PTK2: variants seen among roughly 807,000 people sequenced by gnomAD.
PTK2 encodes the protein focal adhesion kinase 1.
In PTK2, 45 loss-of-function variants were observed where a neutral mutation model predicts 150.1. The ratio of observed to expected loss-of-function variants is 0.30; its 90% confidence interval spans 0.24 to 0.38. The LOEUF is 0.38. PTK2 is among the 10% of genes least tolerant of loss of function. The pLI is 1.00. For synonymous variants in PTK2, 432 were observed against 449.2 expected, an observed-to-expected ratio of 0.96 and a Z score of 0.48; for missense variants, 919 against 1,307.3, an observed-to-expected ratio of 0.70 and a Z score of 4.58.
chr8:140,771,601 T>G (rs2100075528), intron 14 of PTK2, among the ~76,000 whole-genome samples: 1 of 152,120 alleles, frequency 6.6e-6, no homozygotes, highest in African/African-American at 2.4e-5. Flanking sequence ...AACTGCATAC[T>G]CACGGGGTAT....
At chr8:140,706,781 A>G (rs75595295) in intron 23 of PTK2, among the ~76,000 whole-genome samples, 4 of 152,190 alleles carry the variant, frequency 2.6e-5, no homozygotes, top group Non-Finnish European at 5.9e-5. Context: ...CATGTAGATC[A>G]GCTACTCAGG....
chr8:140,847,945 C>T (rs768885748), intron 5 of PTK2, among the ~76,000 whole-genome samples: 1 of 152,174 alleles, frequency 6.6e-6, no homozygotes, highest in Non-Finnish European at 1.5e-5. Flanking sequence ...CTTGCAAAGA[C>T]AACCAGCTCC....
At chr8:140,854,759 T>A (rs1383607706) in intron 5 of PTK2, among the ~76,000 whole-genome samples, 1 of 152,164 alleles carries the variant, frequency 6.6e-6, no homozygotes, top group Non-Finnish European at 1.5e-5. Flanking sequence ...TTAATAATTA[T>A]GTCTAACTAG....
chr8:140,692,403 G>A (rs2100023689), intron 26 of PTK2, among the ~76,000 whole-genome samples: 1 of 152,170 alleles, frequency 6.6e-6, no homozygotes, highest in Non-Finnish European at 1.5e-5. Flanking sequence ...GATCACCTGA[G>A]GTCAGGAGTT....
At chr8:140,797,428 C>T (rs745409686) in intron 12 of PTK2, among the ~76,000 whole-genome samples, 9 of 152,106 alleles carry the variant, frequency 5.9e-5, no homozygotes, top group South Asian at 2.1e-4. Context: ...GTAATTGTGT[C>T]GCTTCAGCAG....
At chr8:140,831,776 T>C (rs1338711966) in intron 7 of PTK2, among the ~76,000 whole-genome samples, 2 of 152,200 alleles carry the variant, frequency 1.3e-5, no homozygotes, top group African/African-American at 4.8e-5. Flanking sequence ...TGTTTGTAAC[T>C]TCCCTTCCTT....
At chr8:140,761,532 ATTTAT>A (rs1311819692) in intron 15 of PTK2, among the ~76,000 whole-genome samples, 12 of 152,134 alleles carry the variant, frequency 7.9e-5, no homozygotes. Flanking sequence ...TAAATTTCCG[ATTTAT>A]TTTATATCTA....
At chr8:140,696,546 C>A (rs957137524) in intron 26 of PTK2, among the ~76,000 whole-genome samples, 3 of 152,238 alleles carry the variant, frequency 2.0e-5, no homozygotes, top group East Asian at 3.9e-4. Context: ...AATTACCCAG[C>A]CCCAGAGGTC....
intron 14 of PTK2, among the ~76,000 whole-genome samples, chr8:140,775,644 C>T (rs932227207): frequency 6.6e-6 from 1 of 151,914 alleles, no homozygotes; most frequent in Non-Finnish European, 1.5e-5. Flanking sequence ...ATACCAGGCC[C>T]TTGATTTTTA....
intron 16 of PTK2, among the ~76,000 whole-genome samples, chr8:140,753,916 G>A (rs1392598433): frequency 6.6e-6 from 1 of 152,138 alleles, no homozygotes; most frequent in Non-Finnish European, 1.5e-5. Context: ...TCTTTTAAAT[G>A]AAGATGTTCA....
At chr8:140,758,617 G>T (rs950164771) in intron 16 of PTK2, among the ~76,000 whole-genome samples, 1 of 152,016 alleles carries the variant, frequency 6.6e-6, no homozygotes, top group Non-Finnish European at 1.5e-5. Flanking sequence ...GTATGTGTTT[G>T]TGTCTTAGTT....
intron 14 of PTK2, among the ~76,000 whole-genome samples, chr8:140,780,879 T>C (rs2100081292): frequency 6.6e-6 from 1 of 152,240 alleles, no homozygotes; most frequent in South Asian, 2.1e-4. Context: ...CAGAAGTTTT[T>C]AGTTGCTGAA....
chr8:140,879,632 G>A (rs1329555455), exon 4 of PTK2: 1 of 1,169,462 alleles, frequency 8.6e-7, no homozygotes. Flanking sequence ...TCTTCTGAAT[G>A]ATGCCCTAAA....
intron 31 of PTK2, chr8:140,663,201 T>C (rs2083375839): frequency 6.5e-6 from 1 of 154,948 alleles, no homozygotes; most frequent in Admixed American, 6.5e-5. Context: ...ACAGCCATTC[T>C]CAAGCTGCTC....
chr8:140,751,648 T>C (rs1340258489), intron 17 of PTK2, among the ~76,000 whole-genome samples: 3 of 152,122 alleles, frequency 2.0e-5, no homozygotes, highest in African/African-American at 7.2e-5. Flanking sequence ...CGTGCCACTA[T>C]GCACGGCTAA....
intron 1 of PTK2, among the ~76,000 whole-genome samples, chr8:140,933,754 G>A (rs184387458): frequency 8.5e-5 from 13 of 152,238 alleles, no homozygotes; most frequent in African/African-American, 3.1e-4. Flanking sequence ...AATAAAGAGT[G>A]ACTCCTGGTG....
intron 8 of PTK2, among the ~76,000 whole-genome samples, chr8:140,822,772 A>T (rs1172903233): frequency 1.3e-5 from 2 of 152,242 alleles, no homozygotes; most frequent in Non-Finnish European, 2.9e-5. Flanking sequence ...AAAAGAGTAT[A>T]GCCCGCAGCT....
At chr8:140,659,637 C>T (rs775191944) in exon 32 of PTK2, 23 of 1,614,052 alleles carry the variant, frequency 1.4e-5, no homozygotes, top group Non-Finnish European at 1.8e-5. Flanking sequence ...TGTTGATGAG[C>T]TCACCCAGGT....
At chr8:140,658,004 C>T (rs1333842825) in exon 32 of PTK2, 2 of 152,126 alleles carry the variant, frequency 1.3e-5, no homozygotes, top group Non-Finnish European at 2.9e-5. Flanking sequence ...CTATTTGCTC[C>T]CTGCTCTGTG....
Sources: allele counts gnomAD v4.1 joint callset (sites outside exome capture counted in the v4.1 genomes callset), GRCh38; gene constraint gnomAD v4.1.1; transcripts MANE v1.5; gene names NCBI Gene and HGNC (gene_info 2026-07-23, HGNC 2026-07-21).